Variants in CBFB observed in about 807,000 individuals in gnomAD.
CBFB encodes the protein core-binding factor subunit beta, also known as CBF-beta.
A neutral mutation model predicts 30.4 loss-of-function variants in CBFB; 9 were observed. The observed-to-expected ratio is 0.30, with a 90% confidence interval of 0.18 to 0.52. The LOEUF is 0.52. CBFB is among the 20% of genes least tolerant of loss of function. The pLI is 0.97. For synonymous variants in CBFB, 94 were observed against 84.0 expected, an observed-to-expected ratio of 1.12 and a Z score of -0.65; for missense variants, 170 against 244.0, an observed-to-expected ratio of 0.70 and a Z score of 2.02.
Position 67,098,892 on chromosome 16 carries a change from T to C in CBFB, c.*114T>C. The C allele has an allele frequency of 2.8e-6, 2 of 714,222 alleles. No individual in the cohort carries two copies. The highest frequency in any genetic ancestry group is 4.3e-5 in the Admixed American group (2 of 45,996). 44.2% of individuals were successfully genotyped at this position (714,222 alleles called of 1,614,324 possible). Reference sequence around the variant, plus strand: ...TGATAACTGGAGGTACTACGGTCTATTTCTCAACCTTAGGCAGTAATAGAC... The same window carrying C: ...TGATAACTGGAGGTACTACGGTCTACTTCTCAACCTTAGGCAGTAATAGAC... On this transcript the variant is annotated 3_prime_UTR_variant, in exon 6 of 6. Coordinates refer to ENST00000412916, the MANE Select transcript of CBFB (RefSeq NM_022845.3).
At position 67,071,011 on chromosome 16, in the gene CBFB, A is replaced by G. The variant is rs193173107; in HGVS notation, c.399+4213A>G. Among the ~76,000 whole-genome samples the G allele has an allele frequency of 4.8e-4, 73 of 152,312 alleles. 1 individual carries two copies. The highest frequency in any genetic ancestry group is 1.2e-3 in the Admixed American group (19 of 15,292). On this transcript the variant is annotated intron_variant, in intron 4 of 5. Coordinates refer to ENST00000412916, the MANE Select transcript of CBFB (RefSeq NM_022845.3). Reference sequence around the variant, plus strand: ...GTGCCATCTGTTGTGATAGTTTACTACTATCACAATGGAGTTACATAACTC... The same window carrying G: ...GTGCCATCTGTTGTGATAGTTTACTGCTATCACAATGGAGTTACATAACTC...
chr16:67,046,787 G>T (rs1165814594), intron 3 of CBFB, among the ~76,000 whole-genome samples: 1 of 152,112 alleles, frequency 6.6e-6, no homozygotes, highest in Non-Finnish European at 1.5e-5. Flanking sequence ...TTACCTTCAG[G>T]TGCAGAGACT....
intron 3 of CBFB, among the ~76,000 whole-genome samples, chr16:67,050,980 G>C (rs1012972076): frequency 6.6e-6 from 1 of 152,184 alleles, no homozygotes; most frequent in African/African-American, 2.4e-5. Flanking sequence ...CCTCTCTGGA[G>C]AGAAGGAGTG....
At chr16:67,030,666 C>T (rs943268463) in intron 2 of CBFB, among the ~76,000 whole-genome samples, 2 of 152,092 alleles carry the variant, frequency 1.3e-5, no homozygotes, top group Non-Finnish European at 2.9e-5. Flanking sequence ...GTGGCTCGAT[C>T]TCGGGTCACT....
intron 3 of CBFB, among the ~76,000 whole-genome samples, chr16:67,061,644 A>G (rs552658182): frequency 2.0e-5 from 3 of 152,364 alleles, no homozygotes; most frequent in Admixed American, 6.5e-5. Flanking sequence ...ATAAAACTGT[A>G]TTTATTTGAA....
chr16:67,029,911 C>G (rs1966305066), intron 2 of CBFB, 98 bp downstream of exon 2: 2 of 720,604 alleles, frequency 2.8e-6, no homozygotes, highest in South Asian at 5.2e-5. Flanking sequence ...CTGCGGCTCC[C>G]GGAACTGAGT....
chr16:67,047,589 A>G (rs192944040), intron 3 of CBFB, among the ~76,000 whole-genome samples: 17 of 152,346 alleles, frequency 1.1e-4, no homozygotes, highest in Admixed American at 1.0e-3. Context: ...AGATGTTCAA[A>G]GTTTGTTCCA....
rs1450665759 is a variant in CBFB at position 67,029,182 on chromosome 16, C to G, written c.-226C>G. 5.4e-6 allele frequency: 1 copy of G among 186,394 alleles called. No individual in the cohort carries two copies. The highest frequency in any genetic ancestry group is 2.5e-5 in the African/African-American group (1 of 39,710). 11.5% of individuals were successfully genotyped at this position (186,394 alleles called of 1,614,324 possible). A position where few individuals can be genotyped will look rare whatever the true frequency, so the allele number is the denominator to read the frequency against. On this transcript the variant is annotated 5_prime_UTR_variant, in exon 1 of 6. Transcript: ENST00000412916. Reference sequence around the variant, plus strand: ...CTGGGGCTGCGCGGGCGGCAGGCAACGGCTGAGGCGGCGGCGGCGGCGGCG... The same window carrying G: ...CTGGGGCTGCGCGGGCGGCAGGCAAGGGCTGAGGCGGCGGCGGCGGCGGCG...
At chr16:67,084,662 TAA>T (rs1390393794) in intron 5 of CBFB, among the ~76,000 whole-genome samples, 4 of 152,260 alleles carry the variant, frequency 2.6e-5, no homozygotes, top group African/African-American at 9.6e-5. Flanking sequence ...CCACTTTTTT[TAA>T]GTTTTTAAGT....
At chr16:67,036,328 G>GCC (rs1368855645) in intron 2 of CBFB, 2 of 248,508 alleles carry the variant, frequency 8.0e-6, no homozygotes, top group Non-Finnish European at 1.5e-5. Flanking sequence ...TAAATGCAGA[G>GCC]ATGGATAGTG....
At chr16:67,050,876 A>T (rs1003787598) in intron 3 of CBFB, among the ~76,000 whole-genome samples, 1 of 152,214 alleles carries the variant, frequency 6.6e-6, no homozygotes, top group South Asian at 2.1e-4. Flanking sequence ...TTATTTGAAC[A>T]TAAGCACTGC....
intron 5 of CBFB, among the ~76,000 whole-genome samples, chr16:67,088,166 C>T (rs753621389): frequency 5.9e-5 from 9 of 152,210 alleles, no homozygotes; most frequent in Non-Finnish European, 8.8e-5. Context: ...CCAGCACATG[C>T]ACTGGCAATC....
chr16:67,033,167 TC>T (rs1297102219), intron 2 of CBFB, among the ~76,000 whole-genome samples: 19 of 152,094 alleles, frequency 1.2e-4, no homozygotes, highest in South Asian at 1.0e-3. Context: ...GAGCCACCAC[TC>T]CCAGCCTCAT....
chr16:67,031,442 C>T (rs906619667), intron 2 of CBFB, among the ~76,000 whole-genome samples: 36 of 152,206 alleles, frequency 2.4e-4, no homozygotes, highest in Non-Finnish European at 2.9e-5. Flanking sequence ...GTATACCTGA[C>T]GATAGAATTT....
At chr16:67,076,375 C>A (rs1281513710) in intron 4 of CBFB, among the ~76,000 whole-genome samples, 1 of 152,062 alleles carries the variant, frequency 6.6e-6, no homozygotes, top group Non-Finnish European at 1.5e-5. Context: ...GCCTGGGCAA[C>A]AGACTGCCTC....
intron 3 of CBFB, among the ~76,000 whole-genome samples, chr16:67,054,635 C>T (rs988952992): frequency 6.6e-6 from 1 of 152,106 alleles, no homozygotes; most frequent in South Asian, 2.1e-4. Flanking sequence ...GATCCTGTTA[C>T]CTTATTTTCT....
At chr16:67,074,226 A>G (rs1961321598) in intron 4 of CBFB, among the ~76,000 whole-genome samples, 1 of 120,028 alleles carries the variant, frequency 8.3e-6, no homozygotes, top group Non-Finnish European at 1.6e-5. Flanking sequence ...GTGACACTGC[A>G]GTGCAGACAA....
At chr16:67,075,937 A>G (rs1244866105) in intron 4 of CBFB, among the ~76,000 whole-genome samples, 1 of 152,132 alleles carries the variant, frequency 6.6e-6, no homozygotes, top group Non-Finnish European at 1.5e-5. Context: ...AATTTCAAAA[A>G]TTTTTAAAAA....
intron 5 of CBFB, among the ~76,000 whole-genome samples, chr16:67,097,102 G>A (rs1237178482): frequency 5.3e-5 from 8 of 152,102 alleles, no homozygotes; most frequent in Non-Finnish European, 1.2e-4. Context: ...AGGTGTGGTG[G>A]CGTGTGCCTG....
Sources: allele counts gnomAD v4.1 joint callset (sites outside exome capture counted in the v4.1 genomes callset), GRCh38; gene constraint gnomAD v4.1.1; transcripts MANE v1.5; gene names NCBI Gene and HGNC (gene_info 2026-07-23, HGNC 2026-07-21).